EPHA6: variants seen among roughly 807,000 people sequenced by gnomAD.
EPHA6 encodes ephrin type-A receptor 6.
In EPHA6, 50 loss-of-function variants were observed where a neutral mutation model predicts 112.0. The ratio of observed to expected loss-of-function variants is 0.45; its 90% CI spans 0.36 to 0.56. EPHA6 has a LOEUF of 0.56. EPHA6 is among the 20% of genes least tolerant of loss of function. The pLI, the probability that EPHA6 is intolerant of heterozygous loss-of-function variation, is 0.00. For synonymous variants in EPHA6, 529 were observed against 490.7 expected (o/e 1.08, Z -1.03); for missense variants, 1,280 against 1,417.4 (o/e 0.90, Z 1.56).
chr3:96,834,365 C>T (rs1456616853), intron 1 of EPHA6, among the ~76,000 whole-genome samples: 1 of 151,890 alleles, frequency 6.6e-6, no homozygotes, highest in Non-Finnish European at 1.5e-5. Context: ...CATGTGTAAC[C>T]TAGGTTTTCC....
intron 5 of EPHA6, among the ~76,000 whole-genome samples, chr3:97,356,009 A>G (rs922653986): frequency 6.6e-6 from 1 of 152,208 alleles, no homozygotes; most frequent in African/African-American, 2.4e-5. Context: ...CGTGTACCCA[A>G]CACTGGGCCA....
At chr3:96,959,154 AT>A (rs139781517) in intron 2 of EPHA6, among the ~76,000 whole-genome samples, 4,485 of 152,128 alleles carry the variant, frequency 0.029, 201 homozygotes, top group African/African-American at 0.095. Context: ...ATTGCTCCAC[AT>A]TTTCACCAAT....
intron 8 of EPHA6, among the ~76,000 whole-genome samples, chr3:97,477,327 T>C (rs892180696): frequency 6.6e-6 from 1 of 151,756 alleles, no homozygotes; most frequent in Non-Finnish European, 1.5e-5. Flanking sequence ...CTGGTGGAGG[T>C]CTAAGTTTTC....
rs116744116 is a variant in EPHA6, at chr3:97,639,405, A to G, written c.2784+1323A>G. The stretch of plus-strand genomic sequence containing the variant: ...AACTTAAAACAACTTTTGAAGTTAT[A>G]GAACAACGAATATAAAATTTTTCCA... On this transcript the variant is annotated intron_variant, in intron 14 of 17. Coordinates refer to ENST00000389672, the MANE Select transcript of EPHA6 (RefSeq NM_001080448.3). Among the ~76,000 whole-genome samples the G allele has an allele frequency of 2.6e-3, 400 of 152,178 alleles. 3 individuals carry two copies. Among genetic ancestry groups the G allele is most frequent in the African/African-American group, 9.4e-3 (392 of 41,582 alleles).
At chr3:97,101,402 G>A (rs912085608) in intron 3 of EPHA6, among the ~76,000 whole-genome samples, 3 of 151,952 alleles carry the variant, frequency 2.0e-5, no homozygotes, top group Non-Finnish European at 2.9e-5. Flanking sequence ...TTGTTTGTGT[G>A]TCTGTGTGGC....
chr3:97,327,685 T>A (rs1404510364), intron 5 of EPHA6, among the ~76,000 whole-genome samples: 1 of 151,816 alleles, frequency 6.6e-6, no homozygotes, highest in Non-Finnish European at 1.5e-5. Context: ...TTCTAAAACT[T>A]TATCATGTTA....
At chr3:97,359,971 A>C (rs1015066878) in intron 5 of EPHA6, among the ~76,000 whole-genome samples, 1 of 152,150 alleles carries the variant, frequency 6.6e-6, no homozygotes, top group East Asian at 1.9e-4. Flanking sequence ...GAGGAAAAAG[A>C]AAAAAATAAA....
chr3:97,396,456 A>G (rs1287528235), intron 5 of EPHA6, among the ~76,000 whole-genome samples: 3 of 151,274 alleles, frequency 2.0e-5, no homozygotes, highest in African/African-American at 4.9e-5. Context: ...GTGAATTTGA[A>G]TAATAGTATT....
At chr3:97,003,665 A>G (rs77213370) in intron 3 of EPHA6, among the ~76,000 whole-genome samples, 4 of 151,802 alleles carry the variant, frequency 2.6e-5, no homozygotes, top group African/African-American at 4.8e-5. Context: ...TTTTTTCTTT[A>G]TTTCTTCTTC....
chr3:97,297,524 GGA>G (rs2080916862), intron 5 of EPHA6, among the ~76,000 whole-genome samples: 1 of 152,006 alleles, frequency 6.6e-6, no homozygotes, highest in African/African-American at 2.4e-5. Flanking sequence ...TAAAACTCAT[GGA>G]GTTTACATGC....
intron 6 of EPHA6, 110 bp downstream of exon 6, chr3:97,405,384 G>A: frequency 1.0e-6 from 1 of 953,808 alleles, no homozygotes; most frequent in Non-Finnish European, 1.5e-6. Flanking sequence ...GTTCTTCTTT[G>A]GCCTAGCCTC....
rs113124805 is a variant in EPHA6 at position 96,814,706 on chromosome 3, C to T, written c.83C>T (p.Thr28Ile). Residue 28 changes from threonine to isoleucine, a missense_variant, in exon 1 of 18, where the codon ACT becomes ATT. Physicochemically the swap from Thr to Ile is moderately conservative, Grantham distance 89 (BLOSUM62 -1). Around this residue, in one of 4 missense-constraint regions of EPHA6, gnomAD observed 220 missense variants for 171.5 expected, o/e 1.28. Coordinates refer to ENST00000389672, the MANE Select transcript of EPHA6 (RefSeq NM_001080448.3). ...TCCTCCGAAGCAGCTGCACCTGCAA[C>T]TGGGCAGCCTGGACCCTCGTGCCCT... ...ASSSEAAAPATGQPGPSCPVP... is the reference protein window; with the variant it reads ...ASSSEAAAPAIGQPGPSCPVP... The T allele has an allele frequency of 3.3e-6, 5 of 1,507,896 alleles. No individual in the cohort carries two copies. Among genetic ancestry groups the T allele is most frequent in the African/African-American group, 1.4e-5 (1 of 71,512 alleles). The allele number at this position is 1,507,896 out of a possible 1,614,324, so 93.4% of individuals were successfully genotyped here. A position where few individuals can be genotyped will look rare whatever the true frequency, so the allele number is the denominator to read the frequency against.
chr3:97,281,989 G>A (rs1017780659), intron 5 of EPHA6, among the ~76,000 whole-genome samples: 3 of 152,118 alleles, frequency 2.0e-5, no homozygotes, highest in African/African-American at 7.2e-5. Context: ...TCAGTATGTG[G>A]CTGATTAAGA....
At chr3:97,600,407 C>A (rs2093633688) in intron 12 of EPHA6, among the ~76,000 whole-genome samples, 1 of 150,906 alleles carries the variant, frequency 6.6e-6, no homozygotes, top group East Asian at 1.9e-4. Flanking sequence ...GTGGGTTTGT[C>A]ATAGATAGCT....
At chr3:97,747,163 GA>G (rs1448585915) in intron 16 of EPHA6, among the ~76,000 whole-genome samples, 1 of 150,902 alleles carries the variant, frequency 6.6e-6, no homozygotes, top group South Asian at 2.1e-4. Context: ...AAATTAAAAA[GA>G]AAAAAAAGAT....
intron 2 of EPHA6, among the ~76,000 whole-genome samples, chr3:96,927,903 G>A (rs1253340066): frequency 6.6e-6 from 1 of 152,184 alleles, no homozygotes; most frequent in Non-Finnish European, 1.5e-5. Flanking sequence ...TCACAGTTCT[G>A]CAGGGCTGGG....
intron 11 of EPHA6, among the ~76,000 whole-genome samples, chr3:97,572,115 G>A (rs1447531443): frequency 6.7e-6 from 1 of 150,120 alleles, no homozygotes; most frequent in East Asian, 2.0e-4. Flanking sequence ...TCTGATTAAT[G>A]CCAGTGTCAA....
intron 12 of EPHA6, among the ~76,000 whole-genome samples, chr3:97,600,914 T>G (rs1387934766): frequency 6.6e-6 from 1 of 152,134 alleles, no homozygotes; most frequent in Non-Finnish European, 1.5e-5. Context: ...AAAGAGCCTT[T>G]AAGTAATCTC....
intron 3 of EPHA6, among the ~76,000 whole-genome samples, chr3:97,128,002 T>C (rs1014696560): frequency 1.4e-4 from 21 of 152,088 alleles, no homozygotes; most frequent in Non-Finnish European, 4.4e-5. Flanking sequence ...TCATCTTTCA[T>C]CCCCCTCTTA....
Sources: gnomAD v4.1 joint callset for allele counts (sites outside exome capture counted in the v4.1 genomes callset) on GRCh38, gnomAD v4.1.1 for gene constraint, gnomAD v4.1.1 regional missense constraint, MANE v1.5 for transcripts, NCBI Gene and HGNC (gene_info 2026-07-23, HGNC 2026-07-21) for gene names.